The following CLRN1 variants were observed in gnomAD, a reference collection of about 807,000 sequenced individuals.
The protein encoded by CLRN1 is clarin-1.
CLRN1 carries 15 observed loss-of-function variants against 18.7 expected under a neutral mutation model. The ratio of observed to expected loss-of-function variants is 0.80; its 90% CI spans 0.54 to 1.23. The LOEUF is 1.23. Among genes scored for constraint, CLRN1 ranks in the 50% most tolerant of loss-of-function variants. CLRN1 has a pLI of 0.00. For missense variants in CLRN1, 311 were observed against 277.5 expected (o/e 1.12, Z -0.86); for synonymous variants, 104 against 102.9 (o/e 1.01, Z -0.07).
intron 1 of CLRN1, among the ~76,000 whole-genome samples, chr3:150,944,760 A>G (rs1451855687): frequency 6.6e-6 from 1 of 152,108 alleles, no homozygotes; most frequent in East Asian, 1.9e-4. Context: ...GTCTCAAAAA[A>G]AAAAAAAGAA....
intron 1 of CLRN1, among the ~76,000 whole-genome samples, chr3:150,950,196 A>AC (rs1336840122): frequency 1.3e-5 from 2 of 152,226 alleles, no homozygotes; most frequent in Non-Finnish European, 2.9e-5. Flanking sequence ...TAAAACCCAA[A>AC]ACTATAAAAA....
rs546082276 is a variant in CLRN1 at position 150,930,848 on chromosome 3, C to T, written c.434-2647G>A. 7.9e-5 allele frequency among the ~76,000 whole-genome samples: 12 copies of T among 152,296 alleles called. No homozygotes were observed. The South Asian group carries it at 2.5e-3, about 32-fold the overall frequency. On this transcript the variant is annotated intron_variant, in intron 2 of 2. Transcript: ENST00000327047. ...CTTTGTTAAGGAGACAGCATTACAG[C>T]AAGGCTGTATTTCAAATTCCTAAAG...
rs770397504 is a variant in CLRN1 at position 150,940,473 on chromosome 3, G to T, written c.433+1109C>A. The T allele has an allele frequency of 1.2e-5, 18 of 1,534,764 alleles. 1 individual carries two copies. The South Asian group carries it at 2.0e-4, about 17-fold the overall frequency. ...GAGAAGGGAGTAGTGTCAAGAGCAAGAAAGTACCTTGAGCCTGGTGCCTGG... is the reference window on the plus strand; with the variant it reads ...GAGAAGGGAGTAGTGTCAAGAGCAATAAAGTACCTTGAGCCTGGTGCCTGG... On this transcript the variant is annotated intron_variant, in intron 2 of 2. Coordinates refer to ENST00000327047, the MANE Select transcript of CLRN1 (RefSeq NM_174878.3).
chr3:150,956,564 A>G (rs1267556560), intron 1 of CLRN1, among the ~76,000 whole-genome samples: 3 of 152,202 alleles, frequency 2.0e-5, no homozygotes, highest in Non-Finnish European at 4.4e-5. Context: ...AGAGGCTGTC[A>G]TACCCTCATT....
chr3:150,928,477 C>T (rs983880850), intron 2 of CLRN1, among the ~76,000 whole-genome samples: 1 of 152,142 alleles, frequency 6.6e-6, no homozygotes, highest in African/African-American at 2.4e-5. Flanking sequence ...GCTGATCTTA[C>T]AAAGACTGGG....
chr3:150,948,637 C>T (rs1714316129), intron 1 of CLRN1, among the ~76,000 whole-genome samples: 1 of 151,940 alleles, frequency 6.6e-6, no homozygotes, highest in Non-Finnish European at 1.5e-5. Context: ...TGGATACATA[C>T]ACCTTCCCAA....
At chr3:150,956,292 T>C (rs1361053103) in intron 1 of CLRN1, among the ~76,000 whole-genome samples, 1 of 152,196 alleles carries the variant, frequency 6.6e-6, no homozygotes. Context: ...GTGGTATAGA[T>C]ACAAGGTAAC....
At chr3:150,968,458 C>T (rs1004440718) in intron 1 of CLRN1, among the ~76,000 whole-genome samples, 3 of 152,116 alleles carry the variant, frequency 2.0e-5, no homozygotes, top group Admixed American at 6.5e-5. Flanking sequence ...ACCACTGACC[C>T]ATAAGTGGAT....
chr3:150,960,552 G>A (rs1714974315), intron 1 of CLRN1, among the ~76,000 whole-genome samples: 1 of 152,114 alleles, frequency 6.6e-6, no homozygotes, highest in Non-Finnish European at 1.5e-5. Context: ...TTGGATTTAT[G>A]GTTAATTACT....
chr3:150,967,726 A>AG (rs916782939), intron 1 of CLRN1, among the ~76,000 whole-genome samples: 1 of 152,172 alleles, frequency 6.6e-6, no homozygotes, highest in Non-Finnish European at 1.5e-5. Flanking sequence ...ATGACCAGTG[A>AG]GTCACTTGGG....
At chr3:150,959,945 C>T (rs750512168) in intron 1 of CLRN1, among the ~76,000 whole-genome samples, 19 of 152,092 alleles carry the variant, frequency 1.2e-4, no homozygotes, top group Non-Finnish European at 2.4e-4. Context: ...ATGGCATTAA[C>T]CAGGAGTCTC....
At chr3:150,960,943 T>TTACAGGCCCAA (rs1714995442) in intron 1 of CLRN1, among the ~76,000 whole-genome samples, 1 of 152,212 alleles carries the variant, frequency 6.6e-6, no homozygotes, top group Admixed American at 6.5e-5. Context: ...GTGAGCAGGC[T>TTACAGGCCCAA]CCTGTAACTG....
At chr3:150,948,356 C>A (rs1311795047) in intron 1 of CLRN1, among the ~76,000 whole-genome samples, 1 of 148,756 alleles carries the variant, frequency 6.7e-6, no homozygotes, top group Non-Finnish European at 1.5e-5. Context: ...TGGTAGCGGG[C>A]GCCTGTAGTC....
intron 1 of CLRN1, among the ~76,000 whole-genome samples, chr3:150,946,704 C>CTTTTTTTTTT (rs34471891): frequency 1.8e-5 from 2 of 110,692 alleles, no homozygotes; most frequent in African/African-American, 6.8e-5. Context: ...CAGACCATTT[C>CTTTTTTTTTT]TTTTTTTTTT....
At chr3:150,970,079 TG>T (rs1321398681) in intron 1 of CLRN1, among the ~76,000 whole-genome samples, 1 of 152,176 alleles carries the variant, frequency 6.6e-6, no homozygotes, top group East Asian at 1.9e-4. Flanking sequence ...GTGCACTAAT[TG>T]TAAGTTGAGC....
chr3:150,932,421 A>G (rs1713207722), intron 2 of CLRN1, among the ~76,000 whole-genome samples: 1 of 152,196 alleles, frequency 6.6e-6, no homozygotes, highest in Non-Finnish European at 1.5e-5. Flanking sequence ...ATGTTATGAA[A>G]TGTTATCCTA....
intron 1 of CLRN1, among the ~76,000 whole-genome samples, chr3:150,949,673 A>C (rs1293232956): frequency 2.6e-5 from 4 of 152,212 alleles, no homozygotes; most frequent in African/African-American, 4.8e-5. Flanking sequence ...GAGTTACAAA[A>C]CACTGCTTGA....
At chr3:150,964,819 A>G (rs542419939) in intron 1 of CLRN1, among the ~76,000 whole-genome samples, 25 of 152,196 alleles carry the variant, frequency 1.6e-4, no homozygotes, top group African/African-American at 5.5e-4. Flanking sequence ...CAAACACCGC[A>G]TGTTCTCACT....
chr3:150,933,287 G>GAGAGGC (rs1368870056), intron 2 of CLRN1, among the ~76,000 whole-genome samples: 2 of 152,122 alleles, frequency 1.3e-5, no homozygotes, highest in Non-Finnish European at 2.9e-5. Context: ...GAAAGGGAGA[G>GAGAGGC]AGAGGCAATA....
Sources: allele counts gnomAD v4.1 joint callset (sites outside exome capture counted in the v4.1 genomes callset), GRCh38; gene constraint gnomAD v4.1.1; transcripts MANE v1.5; gene names NCBI Gene and HGNC (gene_info 2026-07-23, HGNC 2026-07-21).